The following ACTR3C variants were observed in gnomAD, a reference collection of about 807,000 sequenced individuals.
The protein encoded by ACTR3C is actin-related protein 3C.
A neutral mutation model predicts 26.3 loss-of-function variants in ACTR3C; 18 were observed. That is an observed-to-expected ratio of 0.68 (90% CI 0.47 to 1.01). The LOEUF is 1.01. ACTR3C is among the 50% of genes least tolerant of loss of function. The pLI is 0.00. For missense variants in ACTR3C, 184 were observed against 250.7 expected, an observed-to-expected ratio of 0.73 and a Z score of 1.80; for synonymous variants, 55 against 94.5, an observed-to-expected ratio of 0.58 and a Z score of 2.42.
chr7:149,960,161 C>T, the ACTR3C span, among the ~76,000 whole-genome samples: 2 of 151,938 alleles, frequency 1.3e-5, no homozygotes, highest in Non-Finnish European at 2.9e-5. Context: ...TTTTAGTGTT[C>T]TTTATCTTCC....
the ACTR3C span, among the ~76,000 whole-genome samples, chr7:150,038,645 C>G: frequency 6.9e-6 from 1 of 144,824 alleles, no homozygotes; most frequent in African/African-American, 2.6e-5. Context: ...CCCGTCGGAT[C>G]GTAAATCCCA....
chr7:150,091,128 C>G, the ACTR3C span, among the ~76,000 whole-genome samples: 1 of 147,550 alleles, frequency 6.8e-6, no homozygotes, highest in Non-Finnish European at 1.5e-5. Context: ...ATCTCATTAG[C>G]AGGAGACCAG....
the ACTR3C span, among the ~76,000 whole-genome samples, chr7:150,168,671 G>C: frequency 6.6e-6 from 1 of 150,640 alleles, no homozygotes; most frequent in Non-Finnish European, 1.5e-5. Flanking sequence ...GTTGGGGACT[G>C]CTGCCTTAAG....
At chr7:150,040,582 T>C in the ACTR3C span, 6 of 147,876 alleles carry the variant, frequency 4.1e-5, no homozygotes, top group Non-Finnish European at 7.4e-5. Flanking sequence ...CTCCGGTAGA[T>C]TGCAAATAAC....
chr7:150,303,139 G>A (rs1795557719), intron 1 of ACTR3C, among the ~76,000 whole-genome samples: 1 of 152,196 alleles, frequency 6.6e-6, no homozygotes, highest in Non-Finnish European at 1.5e-5. Context: ...TTGTGGACAG[G>A]GATGACTAAG....
the ACTR3C span, among the ~76,000 whole-genome samples, chr7:150,169,319 C>T: frequency 6.2e-5 from 9 of 145,290 alleles, no homozygotes; most frequent in South Asian, 2.2e-4. Context: ...GAAGGCAGAG[C>T]TTGTAGTGAG....
intron 1 of ACTR3C, among the ~76,000 whole-genome samples, chr7:150,321,259 CT>C (rs1236591404): frequency 6.6e-6 from 1 of 152,158 alleles, no homozygotes; most frequent in Admixed American, 6.5e-5. Flanking sequence ...TTTTTTGCCC[CT>C]ATTGCATAAT....
chr7:150,077,614 G>A, the ACTR3C span, among the ~76,000 whole-genome samples: 2 of 152,164 alleles, frequency 1.3e-5, no homozygotes, highest in Admixed American at 1.3e-4. Flanking sequence ...GACAAGTACT[G>A]GGTACCTCAG....
At chr7:150,285,379 A>C (rs1268293631) in intron 5 of ACTR3C, among the ~76,000 whole-genome samples, 1 of 152,234 alleles carries the variant, frequency 6.6e-6, no homozygotes, top group Admixed American at 6.5e-5. Flanking sequence ...ACAGCCATAG[A>C]TTCAATTCCA....
the ACTR3C span, among the ~76,000 whole-genome samples, chr7:150,019,632 T>TAATAATAATAAA: frequency 7.5e-5 from 11 of 145,804 alleles, no homozygotes; most frequent in African/African-American, 2.8e-4. Context: ...ATAATAATAA[T>TAATAATAATAAA]AAAATCTATA....
chr7:149,996,424 C>A, the ACTR3C span, among the ~76,000 whole-genome samples: 8 of 150,018 alleles, frequency 5.3e-5, no homozygotes, highest in Non-Finnish European at 1.2e-4. Flanking sequence ...TATTCAGGAG[C>A]TGGAGAGGAG....
At chr7:150,318,640 T>A (rs1797183279) in intron 1 of ACTR3C, among the ~76,000 whole-genome samples, 1 of 152,172 alleles carries the variant, frequency 6.6e-6, no homozygotes, top group African/African-American at 2.4e-5. Context: ...TGCAGAGCTG[T>A]AGTTCCAGTT....
At chr7:150,111,505 C>G in the ACTR3C span, among the ~76,000 whole-genome samples, 1 of 88,812 alleles carries the variant, frequency 1.1e-5, no homozygotes, top group Admixed American at 1.2e-4. Context: ...AATCTTACTC[C>G]CCACACTCAC....
the ACTR3C span, among the ~76,000 whole-genome samples, chr7:149,896,217 A>G: frequency 6.6e-6 from 1 of 152,230 alleles, no homozygotes; most frequent in Non-Finnish European, 1.5e-5. Context: ...ACAGTTTCTG[A>G]TATGAACTAA....
chr7:150,041,733 T>C, the ACTR3C span, among the ~76,000 whole-genome samples: 7 of 112,888 alleles, frequency 6.2e-5, 1 homozygote, highest in African/African-American at 2.2e-4. Flanking sequence ...CCTCCTGCGA[T>C]GGGGGTCCTA....
chr7:150,122,695 C>A, the ACTR3C span, among the ~76,000 whole-genome samples: 1 of 152,270 alleles, frequency 6.6e-6, no homozygotes, highest in Admixed American at 6.5e-5. Context: ...CCTTAAGGAT[C>A]TAGAACTAGA....
chr7:149,940,401 T>G, the ACTR3C span, among the ~76,000 whole-genome samples: 2 of 151,892 alleles, frequency 1.3e-5, no homozygotes, highest in Non-Finnish European at 2.9e-5. Flanking sequence ...GCCAGCTATA[T>G]CCAATAAAGA....
the ACTR3C span, among the ~76,000 whole-genome samples, chr7:150,154,472 G>C: frequency 6.6e-6 from 1 of 151,638 alleles, no homozygotes; most frequent in African/African-American, 2.4e-5. Context: ...CAGAAACCAA[G>C]GCATTTCTGG....
the ACTR3C span, among the ~76,000 whole-genome samples, chr7:150,109,019 A>G: frequency 6.6e-6 from 1 of 151,920 alleles, no homozygotes; most frequent in Non-Finnish European, 1.5e-5. Flanking sequence ...GCGTGCTCCA[A>G]ACTGGTCCCT....
Sources: gnomAD v4.1 joint callset for allele counts (sites outside exome capture counted in the v4.1 genomes callset) on GRCh38, gnomAD v4.1.1 for gene constraint, MANE v1.5 for transcripts, NCBI Gene and HGNC (gene_info 2026-07-23, HGNC 2026-07-21) for gene names.